Variants in ERBB4 observed in about 807,000 individuals in gnomAD.
ERBB4 encodes receptor tyrosine-protein kinase erbB-4.
Under a neutral mutation model 158.0 loss-of-function variants are expected in ERBB4, and 42 were observed. The ratio of observed to expected loss-of-function variants is 0.27; its 90% CI spans 0.21 to 0.34. ERBB4 has a LOEUF of 0.34. Ranked by LOEUF, ERBB4 falls within the 10% of genes least tolerant of loss-of-function variation. ERBB4 has a pLI of 1.00. For missense variants in ERBB4, 1,333 were observed against 1,624.1 expected (o/e 0.82, Z 3.08); for synonymous variants, 583 against 558.7 (o/e 1.04, Z -0.61).
At chr2:211,483,018 A>G (rs976030546) in intron 20 of ERBB4, among the ~76,000 whole-genome samples, 2 of 152,158 alleles carry the variant, frequency 1.3e-5, no homozygotes, top group African/African-American at 4.8e-5. Flanking sequence ...TATATTTCAT[A>G]TGTTTAAGAA....
chr2:211,759,130 C>T (rs1462391254), intron 4 of ERBB4, among the ~76,000 whole-genome samples: 3 of 152,198 alleles, frequency 2.0e-5, no homozygotes, highest in Non-Finnish European at 4.4e-5. Context: ...ATCCTCAGCT[C>T]TGTTTTCTTT....
At chr2:211,580,855 G>GATTTATAT (rs1559317425) in intron 19 of ERBB4, among the ~76,000 whole-genome samples, 1 of 13,896 alleles carries the variant, frequency 7.2e-5, no homozygotes, top group Non-Finnish European at 2.5e-4. Context: ...TATATATATA[G>GATTTATAT]TATGCATATA....
At chr2:211,848,301 T>C (rs2077637459) in intron 3 of ERBB4, among the ~76,000 whole-genome samples, 1 of 152,060 alleles carries the variant, frequency 6.6e-6, no homozygotes, top group Non-Finnish European at 1.5e-5. Flanking sequence ...ATAGCCTGTA[T>C]GACACAGAAA....
intron 19 of ERBB4, among the ~76,000 whole-genome samples, chr2:211,611,418 T>A (rs1298038300): frequency 6.6e-6 from 1 of 152,114 alleles, no homozygotes; most frequent in African/African-American, 2.4e-5. Flanking sequence ...GCTTTACTTT[T>A]GCTTTCGCTT....
At chr2:212,047,463 T>TTTTATTTATTTATTTA (rs561340076) in intron 2 of ERBB4, among the ~76,000 whole-genome samples, 21 of 151,670 alleles carry the variant, frequency 1.4e-4, no homozygotes, top group African/African-American at 4.8e-4. Context: ...TTCATATTAA[T>TTTTATTTATTTATTTA]TTTATTTATT....
chr2:211,704,824 G>C (rs1300984518), intron 10 of ERBB4, among the ~76,000 whole-genome samples: 1 of 152,102 alleles, frequency 6.6e-6, no homozygotes, highest in Non-Finnish European at 1.5e-5. Context: ...AATTCCATGG[G>C]CTTTCAAAAT....
intron 1 of ERBB4, among the ~76,000 whole-genome samples, chr2:212,365,053 T>A (rs2089834960): frequency 6.6e-6 from 1 of 151,484 alleles, no homozygotes; most frequent in Non-Finnish European, 1.5e-5. Context: ...TATAAAATAT[T>A]TATAAAAATT....
intron 4 of ERBB4, among the ~76,000 whole-genome samples, chr2:211,773,598 T>TTA (rs1171015959): frequency 0.023 from 674 of 29,538 alleles, 11 homozygotes; most frequent in Non-Finnish European, 0.036. Flanking sequence ...TTCTGTAACT[T>TTA]TATATATATA....
rs1019198764 is a variant in ERBB4 at position 211,893,373 on chromosome 2, C to G, written c.421+54057G>C. Among the ~76,000 whole-genome samples, 3 of 143,328 alleles carry G rather than the reference C, an allele frequency of 2.1e-5. 1 individual carries two copies. Among genetic ancestry groups the G allele is most frequent in the African/African-American group, 8.3e-5 (3 of 36,062 alleles). The allele number at this position is 143,328 out of a possible 152,430, so 94.0% of individuals were successfully genotyped here. ...GCTAGCCATATGTAGAAAGCTGAAA[C>G]TGGATCCCTTCCTTACACTTTATAC... On this transcript the variant is annotated intron_variant, in intron 3 of 27. Transcript: ENST00000342788.
chr2:211,663,748 C>T (rs1337173371), intron 15 of ERBB4, among the ~76,000 whole-genome samples: 1 of 152,122 alleles, frequency 6.6e-6, no homozygotes, highest in Non-Finnish European at 1.5e-5. Flanking sequence ...TTTTGAATGG[C>T]AACAGCTGTT....
At chr2:212,021,049 T>C (rs2076638041) in intron 2 of ERBB4, among the ~76,000 whole-genome samples, 1 of 152,156 alleles carries the variant, frequency 6.6e-6, no homozygotes, top group African/African-American at 2.4e-5. Flanking sequence ...TTTTAGAATA[T>C]AAAAATATGC....
intron 3 of ERBB4, among the ~76,000 whole-genome samples, chr2:211,869,900 C>T: frequency 6.6e-6 from 1 of 152,080 alleles, no homozygotes; most frequent in East Asian, 1.9e-4. Flanking sequence ...TTTAAATTTC[C>T]ATGGATGCAA....
In ERBB4 at chr2:212,192,007, A is replaced by ATGTTATGTT. The variant is rs1491138840; in HGVS notation, c.83-67105_83-67104insAACATAACA. ...GTTATATGTTATATATGTTATATAT[A>ATGTTATGTT]ATATATGTTATATGTTATATATGTT... On this transcript the variant is annotated intron_variant, in intron 1 of 27. Coordinates refer to ENST00000342788, the MANE Select transcript of ERBB4 (RefSeq NM_005235.3). Among the ~76,000 whole-genome samples, 28 of 99,124 alleles carry ATGTTATGTT rather than the reference A, an allele frequency of 2.8e-4. No individual in the cohort carries two copies. In the South Asian group the frequency reaches 8.7e-3, roughly 31 times the overall value. 65.0% of individuals were successfully genotyped at this position (99,124 alleles called of 152,430 possible).
At chr2:212,376,781 C>G (rs1233056269) in intron 1 of ERBB4, among the ~76,000 whole-genome samples, 1 of 152,018 alleles carries the variant, frequency 6.6e-6, no homozygotes, top group Non-Finnish European at 1.5e-5. Context: ...ACAAAAGTGT[C>G]TTGACCTTGA....
intron 20 of ERBB4, among the ~76,000 whole-genome samples, chr2:211,448,182 A>G (rs1336482118): frequency 1.3e-5 from 2 of 152,096 alleles, no homozygotes; most frequent in African/African-American, 4.8e-5. Context: ...CACGTTGGCC[A>G]GACTAGTCTC....
intron 3 of ERBB4, among the ~76,000 whole-genome samples, chr2:211,791,231 A>T (rs1210308565): frequency 6.6e-6 from 1 of 151,944 alleles, no homozygotes; most frequent in Non-Finnish European, 1.5e-5. Flanking sequence ...AAGAGGGACA[A>T]GGATTAGGAA....
chr2:211,448,565 G>C (rs2064169053), intron 20 of ERBB4, among the ~76,000 whole-genome samples: 1 of 151,938 alleles, frequency 6.6e-6, no homozygotes. Flanking sequence ...TAAACACATG[G>C]GGTGAAATAT....
intron 5 of ERBB4, among the ~76,000 whole-genome samples, chr2:211,744,671 C>T (rs1039952001): frequency 5.9e-5 from 9 of 152,160 alleles, no homozygotes; most frequent in African/African-American, 1.9e-4. Context: ...TGGCTTCTCA[C>T]CATTTAGTGA....
intron 1 of ERBB4, among the ~76,000 whole-genome samples, chr2:212,489,192 C>A (rs140944744): frequency 2.0e-5 from 3 of 151,952 alleles, no homozygotes; most frequent in South Asian, 2.1e-4. Flanking sequence ...ATATCCCACA[C>A]GTAGATCTGA....
Sources: allele counts gnomAD v4.1 joint callset (sites outside exome capture counted in the v4.1 genomes callset), GRCh38; gene constraint gnomAD v4.1.1; transcripts MANE v1.5; gene names NCBI Gene and HGNC (gene_info 2026-07-23, HGNC 2026-07-21).